Variants in COL18A1 observed in about 807,000 individuals in gnomAD.
The protein encoded by COL18A1 is collagen type XVIII alpha 1 chain, also known as collagen alpha-1(XVIII) chain.
COL18A1 carries 133 observed loss-of-function variants against 168.0 expected under a neutral mutation model. That is an observed-to-expected ratio of 0.79 (90% CI 0.69 to 0.91). COL18A1 has a LOEUF of 0.91. Ranked by LOEUF, COL18A1 falls within the 40% of genes least tolerant of loss-of-function variation. The pLI is 0.00. For synonymous variants in COL18A1, 949 were observed against 809.0 expected (o/e 1.17, Z -2.94); for missense variants, 2,126 against 1,925.4 (o/e 1.10, Z -1.95).
rs914064814 is a variant in COL18A1, at chr21:45,476,275, C to T, written c.799-76C>T. ...ATCTTTCTTGCGATCTTAAGTATTT[C>T]ATTTCACAAACCAAGCAAGTCTCCA... On this transcript the variant is annotated intron_variant, in intron 5 of 41. Coordinates refer to ENST00000651438, the MANE Select transcript of COL18A1 (RefSeq NM_001379500.1). 1.9e-6 allele frequency: 3 copies of T among 1,600,996 alleles called. No individual in the cohort carries two copies. The African/African-American group carries it at 4.0e-5, about 21-fold the overall frequency.
At chr21:45,462,801 T>C (rs2035087940) in intron 2 of COL18A1, among the ~76,000 whole-genome samples, 1 of 152,250 alleles carries the variant, frequency 6.6e-6, no homozygotes. Context: ...ATTTTCTTAT[T>C]GCTTTGTGTG....
At chr21:45,503,652 G>A (rs1043602997) in intron 32 of COL18A1, among the ~76,000 whole-genome samples, 4 of 111,460 alleles carry the variant, frequency 3.6e-5, no homozygotes, top group African/African-American at 1.4e-4. Context: ...GGGGGGAGGG[G>A]GGAGGGATAG....
intron 15 of COL18A1, 130 bp downstream of exon 15, chr21:45,482,951 C>G (rs936786829): frequency 2.2e-6 from 3 of 1,335,932 alleles, no homozygotes; most frequent in Non-Finnish European, 3.2e-6. Flanking sequence ...GACCCCCACT[C>G]CTGCCATCTG....
intron 2 of COL18A1, chr21:45,455,801 C>T (rs1417794149): frequency 1.9e-6 from 3 of 1,613,548 alleles, no homozygotes; most frequent in Non-Finnish European, 1.7e-6. Flanking sequence ...GGAAGATGGC[C>T]AGGACACCCC....
Position 45,498,129 on chromosome 21 carries a change from C to T in COL18A1, c.2683+468C>T, listed in dbSNP as rs1555872028. 4.7e-6 allele frequency: 3 copies of T among 637,868 alleles called. No homozygotes were observed. Among genetic ancestry groups the T allele is most frequent in the Non-Finnish European group, 8.5e-6 (3 of 354,144 alleles). 39.5% of individuals were successfully genotyped at this position (637,868 alleles called of 1,614,324 possible). ...TCCCCCAAAGGACAAGAATTCCCCC[C>T]TGAGCCCCACCTCCATTGAGGGTGG... On this transcript the variant is annotated intron_variant, in intron 32 of 41. Coordinates refer to ENST00000651438, the MANE Select transcript of COL18A1 (RefSeq NM_001379500.1). The surrounding 1 kb of genome is among the most constrained non-coding windows in gnomAD (Gnocchi z 4.5).
chr21:45,450,008 G>A (rs1937785887), intron 2 of COL18A1, among the ~76,000 whole-genome samples: 1 of 152,250 alleles, frequency 6.6e-6, no homozygotes, highest in Non-Finnish European at 1.5e-5. Context: ...GAAAAGTCAT[G>A]TTTTCATTTC....
At position 45,495,039 on chromosome 21, in the gene COL18A1, C is replaced by T. The variant is rs532182459; in HGVS notation, c.2433+124C>T. ...GGCCGCCGCACCCACTGTCCTCCCC[C>T]AAGAACCGGCCCTGCCTGAGCGCAG... On this transcript the variant is annotated intron_variant, in intron 28 of 41. Coordinates refer to ENST00000651438, the MANE Select transcript of COL18A1 (RefSeq NM_001379500.1). 1.1e-4 allele frequency: 93 copies of T among 856,466 alleles called. 1 individual carries two copies. In the South Asian group the frequency reaches 1.3e-3, roughly 12 times the overall value. 53.1% of individuals were successfully genotyped at this position (856,466 alleles called of 1,614,324 possible). A position where few individuals can be genotyped will look rare whatever the true frequency, so the allele number is the denominator to read the frequency against.
intron 29 of COL18A1, chr21:45,496,089 T>C (rs73228780): frequency 5.1e-4 from 134 of 260,328 alleles, no homozygotes; most frequent in Middle Eastern, 1.4e-3. Flanking sequence ...CCATGCCCTC[T>C]ATGCCCTCCA....
Position 45,505,225 on chromosome 21 carries a change from C to T in COL18A1, c.2960C>T (p.Pro987Leu). 1 of 1,600,044 alleles carries T rather than the reference C, an allele frequency of 6.2e-7. No individual in the cohort carries two copies. The highest frequency in any genetic ancestry group is 8.5e-7 in the Non-Finnish European group (1 of 1,172,338). Reference protein sequence around the residue: ...GIGYEGRQGPPGPPGPPGPPS... With the variant: ...GIGYEGRQGPLGPPGPPGPPS... Reference sequence around the variant, plus strand: ...GGCTACGAGGGGCGCCAGGGCCCTCCCGGCCCCCCAGGCCCCCCAGGGCCC... The same window carrying T: ...GGCTACGAGGGGCGCCAGGGCCCTCTCGGCCCCCCAGGCCCCCCAGGGCCC... The change falls in exon 35 of 42, where the codon CCC (proline) becomes CTC (leucine). Residue 987 changes from proline (P) to leucine (L), a missense_variant. Physicochemically the swap from Pro to Leu is moderately conservative, Grantham distance 98. Coordinates refer to ENST00000651438, the MANE Select transcript of COL18A1 (RefSeq NM_001379500.1).
At chr21:45,411,759 C>CGGGGGGGGGGGGGGGGGGGGGGGGGGG (rs1437966551) in intron 2 of COL18A1, among the ~76,000 whole-genome samples, 1 of 7,582 alleles carries the variant, frequency 1.3e-4, no homozygotes. Context: ...GGGCTGATGG[C>CGGGGGGGGGGGGGGGGGGGGGGGGGGG]GGGGGGTGGG....
In COL18A1 at chr21:45,512,430, C is replaced by T. The variant is rs774240786; in HGVS notation, c.*32C>T. 13 of 1,599,146 alleles carry T rather than the reference C, an allele frequency of 8.1e-6. No individual in the cohort carries two copies. The highest frequency in any genetic ancestry group is 1.1e-5 in the Non-Finnish European group (13 of 1,173,604). On this transcript the variant is annotated 3_prime_UTR_variant, in exon 42 of 42. Coordinates refer to ENST00000651438, the MANE Select transcript of COL18A1 (RefSeq NM_001379500.1). The stretch of plus-strand genomic sequence containing the variant: ...CCTGGATGCGGATGGCCGGAGAGGA[C>T]CGGCGGCTCGGAGGAAGCCCCCACC...
chr21:45,509,506 T>C lies in COL18A1; in HGVS notation c.3400T>C (p.Tyr1134His). 1 of 1,527,368 alleles carries C rather than the reference T, an allele frequency of 6.5e-7. No homozygotes were observed. The highest frequency in any genetic ancestry group is 8.8e-7 in the Non-Finnish European group (1 of 1,133,892). 94.6% of individuals were successfully genotyped at this position (1,527,368 alleles called of 1,614,324 possible). The change falls in exon 39 of 42, where the codon TAC becomes CAC. Residue 1134 changes from tyrosine to histidine, a missense_variant. Physicochemically the swap from Tyr to His is moderately conservative, Grantham distance 83 (BLOSUM62 2). Transcript: ENST00000651438. ...CCCTCGCCTGCCCGAGCCCCAGCCC[T>C]ACCCCGGAGCCCCGCACCACAGCTC... Reference protein sequence around the residue: ...SPPRLPEPQPYPGAPHHSSYV... With the variant: ...SPPRLPEPQPHPGAPHHSSYV...
At chr21:45,500,056 A>C (rs1219220544) in intron 32 of COL18A1, among the ~76,000 whole-genome samples, 1 of 151,244 alleles carries the variant, frequency 6.6e-6, no homozygotes, top group Non-Finnish European at 1.5e-5. Flanking sequence ...CGAGGCACCC[A>C]GAGGCTGGTG....
At chr21:45,432,333 C>T (rs139136602) in intron 2 of COL18A1, among the ~76,000 whole-genome samples, 5,615 of 152,298 alleles carry the variant, frequency 0.037, 114 homozygotes, top group Middle Eastern at 0.061. Context: ...GCAGATGCCG[C>T]TGAGGGACCC....
intron 2 of COL18A1, among the ~76,000 whole-genome samples, chr21:45,415,655 C>T (rs1266525292): frequency 6.6e-6 from 1 of 152,194 alleles, no homozygotes; most frequent in Non-Finnish European, 1.5e-5. Context: ...TGCCATTGAT[C>T]AGACCCTGGC....
chr21:45,421,681 T>G (rs903654403), intron 2 of COL18A1: 3 of 477,786 alleles, frequency 6.3e-6, no homozygotes, highest in South Asian at 3.1e-5. Flanking sequence ...TCACACTGTT[T>G]CAGGGTTGGC....
intron 2 of COL18A1, among the ~76,000 whole-genome samples, chr21:45,436,299 G>C (rs1379291905): frequency 6.6e-6 from 1 of 152,182 alleles, no homozygotes. Context: ...CTGTACAGCA[G>C]TGTCACAGCA....
rs779319415 is a variant in COL18A1, at chr21:45,480,150, C to G, written c.1392C>G (p.Asp464Glu). 4 of 1,571,294 alleles carry G rather than the reference C, an allele frequency of 2.5e-6. No homozygotes were observed. In the East Asian group the frequency reaches 6.7e-5, roughly 26 times the overall value. ...CCCCAGGACCCTCCTTCAGACACGA[C>G]AAGCTGGTAAGTCCCGCCCTTGGCT... ...PGPPGPSFRH[D>E]KLTFIDMEGS... is the part of the protein sequence containing the mutation. The change falls in exon 11 of 42, where the codon GAC becomes GAG. Residue 464 changes from aspartate to glutamate, a missense_variant. By Grantham distance (45) the Asp-to-Glu change is conservative (BLOSUM62 2). Coordinates refer to ENST00000651438, the MANE Select transcript of COL18A1 (RefSeq NM_001379500.1).
chr21:45,407,242 G>A (rs555138724), intron 2 of COL18A1: 1 of 152,380 alleles, frequency 6.6e-6, no homozygotes, highest in South Asian at 2.1e-4. Context: ...TCTGGCGAGG[G>A]TTTCAGTTGT....
Sources: allele counts gnomAD v4.1 joint callset (sites outside exome capture counted in the v4.1 genomes callset), GRCh38; gene constraint gnomAD v4.1.1; non-coding constraint Gnocchi (gnomAD v3.1); transcripts MANE v1.5; gene names NCBI Gene and HGNC (gene_info 2026-07-23, HGNC 2026-07-21).